Variants in PKIB observed in about 807,000 individuals in gnomAD.
PKIB encodes the protein cAMP-dependent protein kinase inhibitor beta, also known as PKI-beta.
A neutral mutation model predicts 4.5 loss-of-function variants in PKIB; 2 were observed. The ratio of observed to expected loss-of-function variants is 0.44; its 90% CI spans 0.18 to 1.39. PKIB has a LOEUF of 1.39. Ranked by LOEUF, PKIB falls within the 40% of genes most tolerant of loss-of-function variation. The pLI is 0.27. For missense variants in PKIB, 94 were observed against 92.6 expected (o/e 1.02, Z -0.06); for synonymous variants, 38 against 36.0 (o/e 1.06, Z -0.20).
intron 2 of PKIB, among the ~76,000 whole-genome samples, chr6:122,671,304 AAT>A (rs2114945292): frequency 6.6e-6 from 1 of 152,198 alleles, no homozygotes; most frequent in Non-Finnish European, 1.5e-5. Flanking sequence ...AAAAAAAAAA[AAT>A]ACTTATTGAA....
At chr6:122,567,606 G>C (rs571118218) in intron 2 of PKIB, among the ~76,000 whole-genome samples, 6 of 152,198 alleles carry the variant, frequency 3.9e-5, no homozygotes, top group African/African-American at 1.4e-4. Context: ...TAGCAACATA[G>C]ATAAATCTGA....
intron 2 of PKIB, among the ~76,000 whole-genome samples, chr6:122,568,624 C>G (rs969966329): frequency 6.6e-6 from 1 of 152,164 alleles, no homozygotes; most frequent in Non-Finnish European, 1.5e-5. Flanking sequence ...CACAGGGGCC[C>G]TCAAAGAAGT....
intron 1 of PKIB, among the ~76,000 whole-genome samples, chr6:122,475,151 C>A (rs565957918): frequency 7.2e-4 from 110 of 152,208 alleles, no homozygotes; most frequent in African/African-American, 2.6e-3. Context: ...CTCCTGCAAC[C>A]GCTGCCTGGA....
intron 3 of PKIB, among the ~76,000 whole-genome samples, chr6:122,681,702 A>G (rs1412241133): frequency 1.3e-5 from 2 of 152,202 alleles, no homozygotes; most frequent in East Asian, 3.8e-4. Context: ...AATATGTCAT[A>G]ATTTACTTTA....
At chr6:122,562,004 G>GTTTTTTTTTTTTTTTTTTTTTTTTTT (rs758656278) in intron 2 of PKIB, among the ~76,000 whole-genome samples, 1 of 79,480 alleles carries the variant, frequency 1.3e-5, no homozygotes, top group Non-Finnish European at 2.3e-5. Context: ...GTTTTTTTTT[G>GTTTTTTTTTTTTTTTTTTTTTTTTTT]TTTTTTTTTT....
intron 4 of PKIB, among the ~76,000 whole-genome samples, chr6:122,722,983 T>C (rs925342814): frequency 6.6e-6 from 1 of 152,130 alleles, no homozygotes; most frequent in Non-Finnish European, 1.5e-5. Flanking sequence ...CACGATCTCT[T>C]AGTCACAGAT....
intron 2 of PKIB, among the ~76,000 whole-genome samples, chr6:122,633,757 A>G (rs1252526361): frequency 1.3e-5 from 2 of 152,176 alleles, no homozygotes; most frequent in East Asian, 3.9e-4. Context: ...ATCAGGTCTT[A>G]TAAACTGACT....
At chr6:122,509,376 T>C (rs1435775841) in intron 2 of PKIB, among the ~76,000 whole-genome samples, 1 of 152,188 alleles carries the variant, frequency 6.6e-6, no homozygotes, top group Non-Finnish European at 1.5e-5. Flanking sequence ...TACAATCTTA[T>C]TGGGCTTAGT....
intron 1 of PKIB, among the ~76,000 whole-genome samples, chr6:122,473,984 T>C (rs977748938): frequency 6.6e-6 from 1 of 152,066 alleles, no homozygotes; most frequent in Admixed American, 6.6e-5. Context: ...AATACAAAAA[T>C]TAGCAGGGCA....
intron 1 of PKIB, among the ~76,000 whole-genome samples, chr6:122,629,007 T>A (rs1014390801): frequency 6.6e-6 from 1 of 152,168 alleles, no homozygotes; most frequent in Non-Finnish European, 1.5e-5. Flanking sequence ...CAGTGCAGGT[T>A]CTTTATGCCC....
intron 2 of PKIB, among the ~76,000 whole-genome samples, chr6:122,656,264 G>A (rs569816861): frequency 3.9e-5 from 6 of 152,258 alleles, no homozygotes; most frequent in South Asian, 2.1e-4. Flanking sequence ...TAGACATATC[G>A]TGAAAGTTCA....
intron 2 of PKIB, among the ~76,000 whole-genome samples, chr6:122,521,892 C>G (rs557655683): frequency 6.6e-6 from 1 of 152,108 alleles, no homozygotes; most frequent in East Asian, 1.9e-4. Context: ...GCTCTTAGTC[C>G]TTGTCAATTT....
At chr6:122,573,521 CAAA>C (rs61014475) in intron 2 of PKIB, among the ~76,000 whole-genome samples, 1 of 87,584 alleles carries the variant, frequency 1.1e-5, no homozygotes, top group Non-Finnish European at 2.3e-5. Context: ...GACTCTGTCT[CAAA>C]AAAAAAAAAA....
rs376428164 is a variant in PKIB, at chr6:122,525,253, A to AT, written c.-248+47320dup. Among the ~76,000 whole-genome samples the AT allele has an allele frequency of 3.6e-3, 548 of 152,154 alleles. 4 individuals are homozygous for AT. The highest frequency in any genetic ancestry group is 0.012 in the African/African-American group (507 of 41,518). ...CTGTTTAGCTTTCACATATTTGTAGATTTTTTAGTTTACCTTGTGCTTTTT... is the reference window on the plus strand; with the variant it reads ...CTGTTTAGCTTTCACATATTTGTAGATTTTTTTAGTTTACCTTGTGCTTTTT... On this transcript the variant is annotated intron_variant, in intron 2 of 6. Coordinates refer to the PKIB transcript ENST00000392491.
intron 2 of PKIB, among the ~76,000 whole-genome samples, chr6:122,540,935 A>G (rs112442191): frequency 6.6e-6 from 1 of 151,114 alleles, no homozygotes; most frequent in African/African-American, 2.4e-5. Flanking sequence ...CCATTATGTA[A>G]TGGCCTTCTT....
intron 3 of PKIB, among the ~76,000 whole-genome samples, chr6:122,589,712 A>T (rs921227086): frequency 2.6e-4 from 39 of 152,162 alleles, no homozygotes; most frequent in African/African-American, 8.7e-4. Flanking sequence ...AGGCCGGCTC[A>T]TGTTTCACAA....
chr6:122,562,002 T>TTTTTTTTTTTTTTTTTTTTTTTTTTA (rs1773041546), intron 2 of PKIB, among the ~76,000 whole-genome samples: 1 of 131,196 alleles, frequency 7.6e-6, no homozygotes, highest in Non-Finnish European at 1.5e-5. Flanking sequence ...TTGTTTTTTT[T>TTTTTTTTTTTTTTTTTTTTTTTTTTA]TGTTTTTTTT....
chr6:122,684,814 C>T (rs1202544785), intron 3 of PKIB, among the ~76,000 whole-genome samples: 2 of 152,118 alleles, frequency 1.3e-5, no homozygotes, highest in Admixed American at 6.5e-5. Flanking sequence ...GTTTTGTTTT[C>T]CTCTTGACTG....
chr6:122,476,058 AAATTAGAAATTAT>A, intron 1 of PKIB, among the ~76,000 whole-genome samples: 1 of 152,282 alleles, frequency 6.6e-6, no homozygotes, highest in East Asian at 1.9e-4. Context: ...ATTTTTCTGG[AAATTAGAAATTAT>A]ACTGCTTAGT....
Sources: gnomAD v4.1 joint callset for allele counts (sites outside exome capture counted in the v4.1 genomes callset) on GRCh38, gnomAD v4.1.1 for gene constraint, MANE v1.5 for transcripts, NCBI Gene and HGNC (gene_info 2026-07-23, HGNC 2026-07-21) for gene names.